Variants in PDE4D observed in about 807,000 individuals in gnomAD.
PDE4D encodes the protein phosphodiesterase 4D.
PDE4D carries 24 observed loss-of-function variants against 87.4 expected under a neutral mutation model. That is an observed-to-expected ratio of 0.27 (90% CI 0.20 to 0.39). The LOEUF (loss-of-function observed/expected upper bound fraction) is 0.39, where lower values mean the gene tolerates loss of function less well. Among genes scored for constraint, PDE4D ranks in the 10% least tolerant of loss-of-function variants. The pLI, the probability that PDE4D is intolerant of heterozygous loss-of-function variation, is 1.00. For missense variants in PDE4D, 714 were observed against 1,041.0 expected (o/e 0.69, Z 4.32); for synonymous variants, 384 against 383.2 (o/e 1.00, Z -0.02).
intron 1 of PDE4D, among the ~76,000 whole-genome samples, chr5:59,638,269 C>T (rs1465868388): frequency 6.6e-6 from 1 of 152,000 alleles, no homozygotes; most frequent in Non-Finnish European, 1.5e-5. Flanking sequence ...TCCATGAGAT[C>T]GAATTTCATA....
At chr5:59,248,956 T>C (rs1759399665) in intron 1 of PDE4D, among the ~76,000 whole-genome samples, 1 of 151,880 alleles carries the variant, frequency 6.6e-6, no homozygotes, top group African/African-American at 2.4e-5. Flanking sequence ...GCCCTCAAAT[T>C]ATTAAAGCAA....
At chr5:60,217,990 G>A (rs766090174) in intron 1 of PDE4D, among the ~76,000 whole-genome samples, 21 of 151,936 alleles carry the variant, frequency 1.4e-4, no homozygotes, top group Non-Finnish European at 2.8e-4. Flanking sequence ...TCCTTTGGCA[G>A]CATTTACTAA....
At chr5:60,121,295 C>A (rs1156407304) in intron 2 of PDE4D, among the ~76,000 whole-genome samples, 1 of 151,832 alleles carries the variant, frequency 6.6e-6, no homozygotes, top group Non-Finnish European at 1.5e-5. Context: ...TTTTTAAAAG[C>A]CCAGAAAAGG....
intron 1 of PDE4D, among the ~76,000 whole-genome samples, chr5:59,467,604 A>G (rs1455600819): frequency 6.6e-6 from 1 of 152,238 alleles, no homozygotes; most frequent in African/African-American, 2.4e-5. Context: ...GCTGAAGTTA[A>G]CAGAAACATA....
chr5:60,423,446 T>G (rs1035564317), intron 1 of PDE4D, among the ~76,000 whole-genome samples: 18 of 152,100 alleles, frequency 1.2e-4, no homozygotes, highest in African/African-American at 4.1e-4. Flanking sequence ...GAATGACTAC[T>G]GGGTACATAA....
chr5:60,519,619 T>C (rs139581066), intron 1 of PDE4D, among the ~76,000 whole-genome samples: 211 of 152,282 alleles, frequency 1.4e-3, no homozygotes, highest in African/African-American at 5.0e-3. Context: ...AAAAGAATAG[T>C]GTTCATTTTC....
intron 1 of PDE4D, among the ~76,000 whole-genome samples, chr5:59,819,504 A>C (rs1247210599): frequency 6.6e-6 from 1 of 152,194 alleles, no homozygotes; most frequent in Non-Finnish European, 1.5e-5. Context: ...TTACTCATAA[A>C]TGCTGATGTT....
intron 2 of PDE4D, among the ~76,000 whole-genome samples, chr5:60,168,422 C>A (rs967970197): frequency 1.3e-5 from 2 of 152,184 alleles, no homozygotes; most frequent in African/African-American, 2.4e-5. Flanking sequence ...TTCTAACTAA[C>A]CATTCCACTG....
intron 1 of PDE4D, among the ~76,000 whole-genome samples, chr5:60,328,938 A>G (rs1396119900): frequency 2.0e-5 from 3 of 152,238 alleles, no homozygotes; most frequent in African/African-American, 7.2e-5. Context: ...AGTCACAACT[A>G]AGAGAATTCT....
upstream of PDE4D, among the ~76,000 whole-genome samples, chr5:60,492,989 G>A (rs1190527850): frequency 1.3e-5 from 2 of 152,112 alleles, no homozygotes; most frequent in Non-Finnish European, 2.9e-5. Context: ...ATCACATATT[G>A]CATTTCAACT....
chr5:60,006,458 A>C (rs1381021853), intron 2 of PDE4D, among the ~76,000 whole-genome samples: 1 of 151,916 alleles, frequency 6.6e-6, no homozygotes, highest in Non-Finnish European at 1.5e-5. Flanking sequence ...CAGAAGAGTC[A>C]CCAAAGTAAA....
At chr5:60,427,661 G>A (rs977230368) in intron 1 of PDE4D, among the ~76,000 whole-genome samples, 5 of 152,198 alleles carry the variant, frequency 3.3e-5, no homozygotes, top group African/African-American at 1.2e-4. Flanking sequence ...ATATAAAGTA[G>A]TATGTTTTCT....
chr5:59,390,522 A>T (rs927875756), intron 1 of PDE4D, among the ~76,000 whole-genome samples: 1 of 152,180 alleles, frequency 6.6e-6, no homozygotes, highest in Non-Finnish European at 1.5e-5. Flanking sequence ...ATAAACAAAG[A>T]AACAAAAGGT....
chr5:59,956,106 A>G (rs1418944488), intron 3 of PDE4D, among the ~76,000 whole-genome samples: 1 of 152,202 alleles, frequency 6.6e-6, no homozygotes, highest in African/African-American at 2.4e-5. Flanking sequence ...GTGCAAAAGC[A>G]AGAGTTCAAA....
intron 2 of PDE4D, among the ~76,000 whole-genome samples, chr5:60,030,185 T>C (rs1267375172): frequency 6.6e-6 from 1 of 151,600 alleles, no homozygotes; most frequent in Non-Finnish European, 1.5e-5. Context: ...GCGCGGTGGC[T>C]CACGCCTGTA....
At chr5:59,469,946 C>G (rs1422592413) in intron 1 of PDE4D, among the ~76,000 whole-genome samples, 7 of 152,096 alleles carry the variant, frequency 4.6e-5, no homozygotes, top group Non-Finnish European at 8.8e-5. Flanking sequence ...GTGCTTCTTG[C>G]TTTTGACCAC....
At chr5:60,487,499 A>G (rs752344139) in intron 1 of PDE4D, among the ~76,000 whole-genome samples, 5 of 152,168 alleles carry the variant, frequency 3.3e-5, no homozygotes, top group Non-Finnish European at 7.4e-5. Flanking sequence ...ACTGTGCCCT[A>G]TCTGCTGTGT....
chr5:60,068,107 T>C (rs898700633), intron 2 of PDE4D, among the ~76,000 whole-genome samples: 1 of 152,216 alleles, frequency 6.6e-6, no homozygotes, highest in African/African-American at 2.4e-5. Flanking sequence ...TGCTGGATCA[T>C]GTAATTGCAT....
At chr5:59,222,676 T>C (rs1190479084) in intron 1 of PDE4D, among the ~76,000 whole-genome samples, 3 of 152,192 alleles carry the variant, frequency 2.0e-5, no homozygotes, top group African/African-American at 4.8e-5. Flanking sequence ...TAGAAAATAT[T>C]GACCTACCAA....
Sources: gnomAD v4.1 joint callset for allele counts (sites outside exome capture counted in the v4.1 genomes callset) on GRCh38, gnomAD v4.1.1 for gene constraint, MANE v1.5 for transcripts, NCBI Gene and HGNC (gene_info 2026-07-23, HGNC 2026-07-21) for gene names.